Variants in XRN2 observed in about 807,000 individuals in gnomAD.
XRN2 encodes the protein DHM1-like protein.
In XRN2, 44 loss-of-function variants were observed where a neutral mutation model predicts 138.5. That is an observed-to-expected ratio of 0.32 (90% CI 0.25 to 0.41). XRN2 has a LOEUF of 0.41. Among genes scored for constraint, XRN2 ranks in the 10% least tolerant of loss-of-function variants. XRN2 has a pLI of 1.00. For synonymous variants in XRN2, 354 were observed against 369.4 expected (o/e 0.96, Z 0.48); for missense variants, 937 against 1,169.3 (o/e 0.80, Z 2.90).
intron 3 of XRN2, among the ~76,000 whole-genome samples, chr20:21,328,026 T>G (rs1261891910): frequency 1.3e-5 from 2 of 152,140 alleles, no homozygotes; most frequent in Non-Finnish European, 2.9e-5. Context: ...ACAGAAAAAT[T>G]ATAAACCTTA....
chr20:21,382,119 GT>G, intron 28 of XRN2, 62 bp downstream of exon 28: 3 of 1,465,160 alleles, frequency 2.0e-6, no homozygotes, highest in Non-Finnish European at 2.8e-6. Flanking sequence ...GGGGTTTATG[GT>G]TTTTATGGAA....
chr20:21,311,590 G>C (rs6035841), intron 1 of XRN2, among the ~76,000 whole-genome samples: 103,136 of 152,042 alleles, frequency 0.68, 35,711 homozygotes, highest in South Asian at 0.84. Flanking sequence ...CCTGTGAGTG[G>C]AATCATTGGA....
chr20:21,370,320 A>G (rs1319974856), intron 27 of XRN2, among the ~76,000 whole-genome samples: 1 of 152,092 alleles, frequency 6.6e-6, no homozygotes, highest in Non-Finnish European at 1.5e-5. Flanking sequence ...TTTGCTCAGG[A>G]TAACTTTGAT....
chr20:21,355,424 A>G (rs564598803), intron 21 of XRN2, among the ~76,000 whole-genome samples: 2 of 152,202 alleles, frequency 1.3e-5, no homozygotes, highest in Non-Finnish European at 2.9e-5. Flanking sequence ...ATAAGCCTCT[A>G]GAAACAATTT....
At chr20:21,331,227 A>G (rs2038202732) in intron 6 of XRN2, among the ~76,000 whole-genome samples, 1 of 152,170 alleles carries the variant, frequency 6.6e-6, no homozygotes, top group African/African-American at 2.4e-5. Context: ...CATAGTAGTG[A>G]AAATAGGAGC....
rs768014719 is a variant in XRN2, at chr20:21,355,510, A to G, written c.2021-570A>G. Among the ~76,000 whole-genome samples the G allele has an allele frequency of 5.9e-5, 9 of 152,152 alleles. No individual in the cohort carries two copies. The South Asian group carries it at 6.2e-4, about 10-fold the overall frequency. On this transcript the variant is annotated intron_variant, in intron 21 of 29. Coordinates refer to ENST00000377191, the MANE Select transcript of XRN2 (RefSeq NM_012255.5). ...GTATATGTTTCCTTAGGGAATGATT[A>G]TGTATTTCTTATACTAAGAAAATGA...
At chr20:21,355,799 T>C (rs940469057) in intron 21 of XRN2, among the ~76,000 whole-genome samples, 1 of 152,156 alleles carries the variant, frequency 6.6e-6, no homozygotes, top group Non-Finnish European at 1.5e-5. Flanking sequence ...AATAGGGTAA[T>C]TGGGATATCC....
chr20:21,365,662 G>A lies in XRN2; in HGVS notation c.2414G>A (p.Arg805Gln), dbSNP rs1230108745. 56 of 1,607,746 alleles carry A rather than the reference G, an allele frequency of 3.5e-5. No individual in the cohort carries two copies. The highest frequency in any genetic ancestry group is 4.6e-5 in the Non-Finnish European group (54 of 1,177,434). The change falls in exon 26 of 30, where the codon CGG becomes CAG. Residue 805 changes from arginine (R) to glutamine (Q), a missense_variant. Transcript: ENST00000377191. ...WKPQLGFNRD[R>Q]RPVHLDQAAF... is the part of the protein sequence containing the mutation. ...CCTCAGCTTGGCTTTAACCGTGACC[G>A]GAGGCCTGTGCACCTGGATCAGGCA...
chr20:21,348,180 A>G lies in XRN2; in HGVS notation c.1700A>G (p.His567Arg). The G allele has an allele frequency of 6.2e-7, 1 of 1,613,902 alleles. No individual in the cohort carries two copies. The highest frequency in any genetic ancestry group is 8.5e-7 in the Non-Finnish European group (1 of 1,179,960). Reference sequence around the variant, plus strand: ...TCCTGGAAGTGGTATTATCCATTTCATTATGCACCATTTGCTTCAGACTTT... The same window carrying G: ...TCCTGGAAGTGGTATTATCCATTTCGTTATGCACCATTTGCTTCAGACTTT... ...CASWKWYYPF[H>R]YAPFASDFEG... The change falls in exon 18 of 30, where the codon CAT becomes CGT. Residue 567 changes from histidine (H) to arginine (R), a missense_variant. By Grantham distance (29) the His-to-Arg change is conservative (BLOSUM62 0). This residue lies in a region of XRN2 where 471 missense variants were observed against 581.2 expected (regional missense o/e 0.81). Coordinates refer to ENST00000377191, the MANE Select transcript of XRN2 (RefSeq NM_012255.5).
intron 1 of XRN2, among the ~76,000 whole-genome samples, chr20:21,310,522 T>C (rs947365070): frequency 6.6e-6 from 1 of 152,214 alleles, no homozygotes; most frequent in Non-Finnish European, 1.5e-5. Flanking sequence ...AGTTTTTTGG[T>C]GGATAATACA....
intron 26 of XRN2, among the ~76,000 whole-genome samples, chr20:21,366,609 A>G (rs1057391797): frequency 9.9e-5 from 15 of 151,988 alleles, no homozygotes; most frequent in African/African-American, 3.6e-4. Flanking sequence ...TGTTTCACAC[A>G]TATATTTTTG....
chr20:21,311,054 T>A (rs955626592), intron 1 of XRN2, among the ~76,000 whole-genome samples: 1 of 152,116 alleles, frequency 6.6e-6, no homozygotes, highest in Non-Finnish European at 1.5e-5. Flanking sequence ...CCTGTCCGGG[T>A]CTGGCTTTTT....
intron 20 of XRN2, among the ~76,000 whole-genome samples, chr20:21,352,947 T>G (rs1033283745): frequency 6.6e-6 from 1 of 151,974 alleles, no homozygotes; most frequent in African/African-American, 2.4e-5. Flanking sequence ...TCATGTTTAC[T>G]ATCAGCTCAC....
At chr20:21,376,415 G>A (rs901373756) in intron 27 of XRN2, among the ~76,000 whole-genome samples, 2 of 152,174 alleles carry the variant, frequency 1.3e-5, no homozygotes, top group African/African-American at 4.8e-5. Flanking sequence ...TTTGTTTTAA[G>A]ATATGATTTT....
intron 1 of XRN2, among the ~76,000 whole-genome samples, chr20:21,318,212 T>A (rs2037986500): frequency 1.3e-5 from 2 of 152,220 alleles, no homozygotes; most frequent in African/African-American, 4.8e-5. Flanking sequence ...GGTGTATGAC[T>A]ATTCATGGTA....
rs1320548329 is a variant in XRN2, at chr20:21,333,695, T to C, written c.934-9T>C. The C allele has an allele frequency of 1.2e-6, 2 of 1,614,088 alleles. No individual in the cohort carries two copies. The highest frequency in any genetic ancestry group is 8.5e-7 in the Non-Finnish European group (1 of 1,179,982). Reference sequence around the variant, plus strand: ...TAGCTGTAATGGCAGCATTCCTTTTTGGTTGTAGTATTTGGAAAGAGAACT... The same window carrying C: ...TAGCTGTAATGGCAGCATTCCTTTTCGGTTGTAGTATTTGGAAAGAGAACT... On this transcript the variant is annotated splice_polypyrimidine_tract_variant and intron_variant, in intron 10 of 29. Coordinates refer to ENST00000377191, the MANE Select transcript of XRN2 (RefSeq NM_012255.5).
chr20:21,310,733 T>A (rs924371549), intron 1 of XRN2, among the ~76,000 whole-genome samples: 7 of 151,866 alleles, frequency 4.6e-5, no homozygotes, highest in Non-Finnish European at 7.4e-5. Context: ...GGCTTTTTTT[T>A]ATTTTTATTT....
At chr20:21,356,481 G>A in intron 22 of XRN2, 105 bp from the exon 23 acceptor site, 2 of 977,246 alleles carry the variant, frequency 2.0e-6, no homozygotes, top group Non-Finnish European at 3.1e-6. Flanking sequence ...GTTTGTTTCT[G>A]CCTTTTGGCT....
intron 14 of XRN2, among the ~76,000 whole-genome samples, chr20:21,339,352 A>G (rs1440144650): frequency 1.3e-5 from 2 of 152,186 alleles, no homozygotes; most frequent in South Asian, 2.1e-4. Context: ...GCAATCAAGT[A>G]TTGTTTTTTA....
Sources: allele counts gnomAD v4.1 joint callset (sites outside exome capture counted in the v4.1 genomes callset), GRCh38; gene constraint gnomAD v4.1.1; regional missense constraint gnomAD v4.1.1; transcripts MANE v1.5; gene names NCBI Gene and HGNC (gene_info 2026-07-23, HGNC 2026-07-21).